GPHN: variants seen among roughly 807,000 people sequenced by gnomAD.
GPHN encodes the protein gephyrin.
In GPHN, 17 loss-of-function variants were observed where a neutral mutation model predicts 95.5. That is an observed-to-expected ratio of 0.18 (90% CI 0.12 to 0.27). GPHN has a LOEUF of 0.27. GPHN is among the 10% of genes least tolerant of loss of function. The pLI, the probability that GPHN is intolerant of heterozygous loss-of-function variation, is 1.00. For synonymous variants in GPHN, 320 were observed against 322.5 expected, an observed-to-expected ratio of 0.99 and a Z score of 0.08; for missense variants, 660 against 978.1, an observed-to-expected ratio of 0.67 and a Z score of 4.34.
rs2062495786 is a variant in GPHN at position 66,605,722 on chromosome 14, CG to C, written c.65-75381del. ...TTTTTTCTATTTTGTTTAGTAGAGA[CG>C]GGGTTTCACTGTGTTAGCCAGGATG... On this transcript the variant is annotated intron_variant, in intron 1 of 22. Transcript: ENST00000478722. 2.0e-5 allele frequency among the ~76,000 whole-genome samples: 3 copies of C among 151,722 alleles called. No homozygotes were observed. In the South Asian group the frequency reaches 6.3e-4, roughly 32 times the overall value.
the GPHN span, chr14:67,677,602 G>A: frequency 6.6e-6 from 1 of 151,586 alleles, no homozygotes; most frequent in Admixed American, 6.6e-5. Flanking sequence ...TGCTACCCAT[G>A]TGCTCTTGGT....
chr14:67,648,123 G>A, the GPHN span: 3 of 1,614,046 alleles, frequency 1.9e-6, no homozygotes, highest in Non-Finnish European at 2.5e-6. Flanking sequence ...AGGAACTCCT[G>A]TTGTCGGGGG....
At chr14:67,139,014 G>T (rs1267284334) in intron 17 of GPHN, among the ~76,000 whole-genome samples, 4 of 150,908 alleles carry the variant, frequency 2.7e-5, no homozygotes, top group African/African-American at 9.8e-5. Flanking sequence ...CTTGAGGTCA[G>T]GAGTTCAAGA....
At chr14:66,750,873 G>A (rs1182770568) in intron 2 of GPHN, among the ~76,000 whole-genome samples, 1 of 151,868 alleles carries the variant, frequency 6.6e-6, no homozygotes, top group Non-Finnish European at 1.5e-5. Flanking sequence ...AGGTAAGTTG[G>A]CACAAGTGAC....
intron 2 of GPHN, among the ~76,000 whole-genome samples, chr14:66,694,197 T>C (rs1207598413): frequency 6.6e-6 from 1 of 152,136 alleles, no homozygotes; most frequent in East Asian, 1.9e-4. Flanking sequence ...TTAGTGTCCC[T>C]AATAAAAGAG....
At chr14:67,056,984 C>T (rs548554794) in intron 10 of GPHN, among the ~76,000 whole-genome samples, 13 of 152,294 alleles carry the variant, frequency 8.5e-5, no homozygotes, top group Middle Eastern at 6.8e-3. Flanking sequence ...CTGCAGGGCC[C>T]GCCGTACCCA....
At chr14:67,066,360 A>G (rs1324433225) in intron 11 of GPHN, among the ~76,000 whole-genome samples, 1 of 151,796 alleles carries the variant, frequency 6.6e-6, no homozygotes, top group Non-Finnish European at 1.5e-5. Flanking sequence ...TGCCCTTAAC[A>G]TTTTTTCCTT....
the GPHN span, chr14:67,376,483 C>T: frequency 6.2e-7 from 1 of 1,613,790 alleles, no homozygotes; most frequent in Non-Finnish European, 8.5e-7. Context: ...TAGAATACAC[C>T]AAGGATGAGC....
At chr14:66,550,973 C>G (rs1390924443) in intron 1 of GPHN, 1 of 152,900 alleles carries the variant, frequency 6.5e-6, no homozygotes, top group Non-Finnish European at 1.5e-5. Flanking sequence ...TCTCTTGCCT[C>G]AGCCTCCCGA....
At chr14:67,075,095 C>T (rs2076446245) in intron 11 of GPHN, among the ~76,000 whole-genome samples, 1 of 152,154 alleles carries the variant, frequency 6.6e-6, no homozygotes, top group African/African-American at 2.4e-5. Context: ...TAATTCCTGT[C>T]TTCAAAGCTT....
chr14:66,618,611 C>T (rs1168653782), intron 1 of GPHN, among the ~76,000 whole-genome samples: 2 of 152,126 alleles, frequency 1.3e-5, no homozygotes, highest in Non-Finnish European at 2.9e-5. Context: ...CTTCTGTTTT[C>T]ATTTAATGTC....
At chr14:67,720,123 GA>G in the GPHN span, among the ~76,000 whole-genome samples, 1 of 152,304 alleles carries the variant, frequency 6.6e-6, no homozygotes, top group African/African-American at 2.4e-5. Context: ...TTGGCAATCT[GA>G]TAAGTGAAAA....
chr14:66,678,271 A>G (rs1026680726), intron 1 of GPHN, among the ~76,000 whole-genome samples: 1 of 126,594 alleles, frequency 7.9e-6, no homozygotes, highest in Non-Finnish European at 1.5e-5. Context: ...AGGTTTATTC[A>G]TTCTTTTTTA....
Position 66,924,248 on chromosome 14 carries a change from AT to A in GPHN, c.785del (p.Ile262ThrfsTer95). ...AVVMAHGEQPIPGLINYSHHS... is the reference protein window; with the variant it reads ...AVVMAHGEQPXPGLINYSHHS... The stretch of plus-strand genomic sequence containing the variant: ...TGTCATGGCACACGGTGAACAGCCC[AT>A]CCCTGGTCTCATCAATTATTCCCAT... On this transcript the variant is annotated frameshift_variant, in exon 8 of 23. Transcript: ENST00000478722. LOFTEE classifies it high-confidence loss of function. The A allele has an allele frequency of 6.2e-7, 1 of 1,611,952 alleles. No individual in the cohort carries two copies. The highest frequency in any genetic ancestry group is 8.5e-7 in the Non-Finnish European group (1 of 1,178,030).
chr14:66,799,068 G>A (rs142642431), intron 3 of GPHN, among the ~76,000 whole-genome samples: 125 of 151,734 alleles, frequency 8.2e-4, no homozygotes, highest in African/African-American at 2.9e-3. Context: ...TTTCTTAATT[G>A]ACCCAGTGGT....
the GPHN span, among the ~76,000 whole-genome samples, chr14:67,194,947 C>T: frequency 1.3e-5 from 2 of 152,112 alleles, no homozygotes; most frequent in Admixed American, 1.3e-4. Context: ...CGTGAGCCAC[C>T]GTGCCCCTCT....
intron 5 of GPHN, among the ~76,000 whole-genome samples, chr14:66,889,095 G>A (rs2064342056): frequency 6.6e-6 from 1 of 152,016 alleles, no homozygotes; most frequent in Admixed American, 6.6e-5. Flanking sequence ...CAAAATAGAT[G>A]AAGCAAAAAT....
chr14:67,150,261 T>C (rs1185405016), intron 18 of GPHN, among the ~76,000 whole-genome samples: 1 of 150,860 alleles, frequency 6.6e-6, no homozygotes, highest in East Asian at 1.9e-4. Flanking sequence ...GCTAAAACGG[T>C]GAAACCCCGT....
intron 5 of GPHN, among the ~76,000 whole-genome samples, chr14:66,914,455 A>T (rs977755839): frequency 9.9e-5 from 15 of 152,136 alleles, no homozygotes; most frequent in Non-Finnish European, 1.9e-4. Context: ...AAATTACAAA[A>T]ATCCCAGAGC....
Sources: allele counts gnomAD v4.1 joint callset (sites outside exome capture counted in the v4.1 genomes callset), GRCh38; gene constraint gnomAD v4.1.1; transcripts MANE v1.5; gene names NCBI Gene and HGNC (gene_info 2026-07-23, HGNC 2026-07-21).